DDX52: variants seen among roughly 807,000 people sequenced by gnomAD.
DDX52 encodes DExD-box helicase 52, also known as probable ATP-dependent RNA helicase DDX52.
DDX52 carries 59 observed loss-of-function variants against 76.1 expected under a neutral mutation model. That is an observed-to-expected ratio of 0.78 (90% CI 0.63 to 0.96). The LOEUF (loss-of-function observed/expected upper bound fraction) is 0.96. Among genes scored for constraint, DDX52 ranks in the 40% least tolerant of loss-of-function variants. The pLI is 0.00. For missense variants in DDX52, 707 were observed against 703.9 expected (o/e 1.00, Z -0.05); for synonymous variants, 231 against 244.1 (o/e 0.95, Z 0.50).
At position 37,610,127 on chromosome 17, in the gene DDX52, AT is replaced by A. The variant is rs34469094; in HGVS notation, c.*4168del. The stretch of plus-strand genomic sequence containing the variant: ...AGCTATTTCGGCATATTTTTTACTG[AT>A]TTTTTTTTTTTTTGAGACAGGGTCT... On this transcript the variant is annotated 3_prime_UTR_variant, in exon 15 of 15. Transcript: ENST00000617633. 3.3e-3 allele frequency: 472 copies of A among 143,950 alleles called. 6 individuals are homozygous for A. The East Asian group carries it at 0.039, about 12-fold the overall frequency. 8.9% of individuals were successfully genotyped at this position (143,950 alleles called of 1,614,324 possible). A position where few individuals can be genotyped will look rare whatever the true frequency, so the allele number is the denominator to read the frequency against.
intron 2 of DDX52, among the ~76,000 whole-genome samples, chr17:37,638,944 A>G (rs1429820318): frequency 1.3e-5 from 2 of 151,662 alleles, no homozygotes; most frequent in East Asian, 3.9e-4. Flanking sequence ...TAATTTTTTT[A>G]TATTTTTAGT....
rs189472234 is a variant in DDX52 at position 37,625,125 on chromosome 17, C to A, written c.1137-691G>T. Among the ~76,000 whole-genome samples the A allele has an allele frequency of 9.5e-4, 145 of 152,196 alleles. 2 individuals carry two copies. Among genetic ancestry groups the A allele is most frequent in the Non-Finnish European group, 3.2e-4 (22 of 68,010 alleles). On this transcript the variant is annotated intron_variant, in intron 8 of 14. Transcript: ENST00000617633. ...AGCTCAAGCAATACTCCTGCCTCAG[C>A]CTCCCAAGTAGCTGGGATTACAGGC...
At chr17:37,617,608 C>T (rs534075959) in intron 14 of DDX52, among the ~76,000 whole-genome samples, 2 of 152,270 alleles carry the variant, frequency 1.3e-5, no homozygotes, top group Admixed American at 6.5e-5. Flanking sequence ...TCTGCGTAAG[C>T]CTGAGATCAT....
intron 4 of DDX52, 101 bp downstream of exon 4, chr17:37,632,012 G>T: frequency 6.6e-7 from 1 of 1,518,810 alleles, no homozygotes; most frequent in Non-Finnish European, 9.1e-7. Context: ...ATTTTAACAG[G>T]GGAGATAAGG....
At position 37,611,990 on chromosome 17, in the gene DDX52, ATAAAG is replaced by A. The variant is rs1415737065; in HGVS notation, c.*2301_*2305del. 2 of 148,962 alleles carry A rather than the reference ATAAAG, an allele frequency of 1.3e-5. No homozygotes were observed. The highest frequency in any genetic ancestry group is 4.9e-5 in the African/African-American group (2 of 40,926). The allele number at this position is 148,962 out of a possible 1,614,324, so 9.2% of individuals were successfully genotyped here. On this transcript the variant is annotated 3_prime_UTR_variant, in exon 15 of 15. Coordinates refer to ENST00000617633, the MANE Select transcript of DDX52 (RefSeq NM_007010.5). ...AAAAAAAAACAAAACAAAAAAACTC[ATAAAG>A]TAAAAGTTACAGTAAGCTAAGGTTA...
intron 2 of DDX52, 73 bp downstream of exon 2, chr17:37,642,037 G>C: frequency 6.4e-7 from 1 of 1,572,346 alleles, no homozygotes; most frequent in Non-Finnish European, 8.7e-7. Context: ...CTGACTTGTA[G>C]CCATAAGCCT....
Position 37,625,904 on chromosome 17 carries a change from A to G in DDX52, c.1127T>C (p.Ile376Thr). ...AGAAACAATTAAATACCTTGCTCCA[A>G]TGGACACACTGATGACATTGTCCAG... ...LNLDNVISVS[I>T]GARNSAVETV... The change falls in exon 8 of 15, where the codon ATT becomes ACT. Residue 376 changes from isoleucine (I) to threonine (T), a missense_variant. Ile to Thr is a moderately conservative substitution (Grantham distance 89). Transcript: ENST00000617633. 1 of 1,614,050 alleles carries G rather than the reference A, an allele frequency of 6.2e-7. No individual in the cohort carries two copies. Among genetic ancestry groups the G allele is most frequent in the Non-Finnish European group, 8.5e-7 (1 of 1,179,940 alleles).
In DDX52 at chr17:37,632,258, CCT is replaced by C; in HGVS notation, c.456_457del (p.Gly153AsnfsTer5). The stretch of plus-strand genomic sequence containing the variant: ...AGCAATTGGGTCAGGAAGATCGGTT[CCT>C]TGGACGTGAATTTTGTGTTTATTCC... On this transcript the variant is annotated frameshift_variant, in exon 4 of 15. Coordinates refer to ENST00000617633, the MANE Select transcript of DDX52 (RefSeq NM_007010.5). LOFTEE classifies it high-confidence loss of function. 1 of 1,613,934 alleles carries C rather than the reference CCT, an allele frequency of 6.2e-7. No homozygotes were observed. Among genetic ancestry groups the C allele is most frequent in the Non-Finnish European group, 8.5e-7 (1 of 1,180,002 alleles).
chr17:37,632,274 T>C lies in DDX52; in HGVS notation c.442A>G (p.Lys148Glu). 6.2e-7 allele frequency: 1 copy of C among 1,614,076 alleles called. No individual in the cohort carries two copies. Among genetic ancestry groups the C allele is most frequent in the Non-Finnish European group, 8.5e-7 (1 of 1,180,022 alleles). The part of the protein sequence containing the change: ...EKINFLRNKH[K>E]IHVQGTDLPD... ...AGATCGGTTCCTTGGACGTGAATTTTGTGTTTATTCCGCAAGAAGTTTATC... is the reference window on the plus strand; with the variant it reads ...AGATCGGTTCCTTGGACGTGAATTTCGTGTTTATTCCGCAAGAAGTTTATC... The change falls in exon 4 of 15, where the codon AAA becomes GAA. Residue 148 changes from lysine to glutamate, a missense_variant. Physicochemically the swap from Lys to Glu is moderately conservative, Grantham distance 56. Transcript: ENST00000617633.
At chr17:37,641,691 C>T (rs535005294) in intron 2 of DDX52, among the ~76,000 whole-genome samples, 30 of 151,940 alleles carry the variant, frequency 2.0e-4, no homozygotes, top group African/African-American at 6.3e-4. Context: ...GAGCCGAGAT[C>T]GCGCCACTGC....
chr17:37,616,731 C>A (rs2064431623), intron 14 of DDX52, among the ~76,000 whole-genome samples: 1 of 151,604 alleles, frequency 6.6e-6, no homozygotes, highest in South Asian at 2.1e-4. Flanking sequence ...GGAATTTGTA[C>A]TTATTGATTG....
intron 8 of DDX52, 102 bp from the exon 9 acceptor site, chr17:37,624,536 A>G (rs566943400): frequency 1.3e-6 from 1 of 774,562 alleles, no homozygotes; most frequent in Non-Finnish European, 2.0e-6. Flanking sequence ...CAACAAAATC[A>G]ATTTTTCCAC....
intron 9 of DDX52, among the ~76,000 whole-genome samples, chr17:37,622,288 A>G (rs1034783076): frequency 2.7e-5 from 4 of 149,830 alleles, no homozygotes; most frequent in African/African-American, 9.8e-5. Context: ...AGAGTTTCTT[A>G]GCCTTTTTTT....
At chr17:37,635,481 G>A (rs904404715) in intron 2 of DDX52, 1 of 388,066 alleles carries the variant, frequency 2.6e-6, no homozygotes, top group Non-Finnish European at 5.1e-6. Flanking sequence ...ACTAATTTTT[G>A]TCTGGCTTCT....
At chr17:37,614,948 A>G (rs1331028733) in intron 14 of DDX52, 1 of 152,230 alleles carries the variant, frequency 6.6e-6, no homozygotes, top group Non-Finnish European at 1.5e-5. Context: ...ATATTAACTC[A>G]TATAATCCCA....
At chr17:37,643,265 G>C in intron 1 of DDX52, 69 bp downstream of exon 1, 6 of 1,519,910 alleles carry the variant, frequency 3.9e-6, no homozygotes, top group Non-Finnish European at 5.4e-6. Context: ...GCCTCCCCCA[G>C]CAGCGGGTTC....
intron 4 of DDX52, 200 bp downstream of exon 4, chr17:37,631,913 A>G (rs1454188679): frequency 1.6e-6 from 1 of 628,306 alleles, no homozygotes; most frequent in African/African-American, 1.8e-5. Flanking sequence ...AGGGTACTAG[A>G]AAAGGAAGAA....
At chr17:37,618,043 A>C (rs1365932781) in intron 14 of DDX52, among the ~76,000 whole-genome samples, 1 of 152,116 alleles carries the variant, frequency 6.6e-6, no homozygotes, top group African/African-American at 2.4e-5. Flanking sequence ...TGAACCCGGG[A>C]GGCAGAGGTT....
chr17:37,632,372 T>C lies in DDX52; in HGVS notation c.418-74A>G, dbSNP rs2030724659. 3 of 1,542,338 alleles carry C rather than the reference T, an allele frequency of 1.9e-6. No individual in the cohort carries two copies. The African/African-American group carries it at 4.1e-5, about 21-fold the overall frequency. ...ATTCTCAGATGTTATAAAGCAACAT[T>C]AACAGTTTCTGGGATAACCTTTAGC... On this transcript the variant is annotated intron_variant, in intron 3 of 14. Coordinates refer to ENST00000617633, the MANE Select transcript of DDX52 (RefSeq NM_007010.5).
Sources: allele counts gnomAD v4.1 joint callset (sites outside exome capture counted in the v4.1 genomes callset), GRCh38; gene constraint gnomAD v4.1.1; transcripts MANE v1.5; gene names NCBI Gene and HGNC (gene_info 2026-07-23, HGNC 2026-07-21).